Variants in CNTN4 observed in about 807,000 individuals in gnomAD.
The protein encoded by CNTN4 is contactin 4, also known as contactin-4.
Under a neutral mutation model 122.5 loss-of-function variants are expected in CNTN4, and 77 were observed. The observed-to-expected ratio is 0.63, with a 90% confidence interval of 0.52 to 0.76. The LOEUF (loss-of-function observed/expected upper bound fraction) is 0.76. Ranked by LOEUF, CNTN4 falls within the 30% of genes least tolerant of loss-of-function variation. The probability of loss-of-function intolerance (pLI) is 0.00; values close to 1 mark genes in which losing one functional copy is unlikely to be tolerated. For missense variants in CNTN4, 1,256 were observed against 1,259.1 expected, an observed-to-expected ratio of 1.00 and a Z score of 0.04; for synonymous variants, 512 against 447.0, an observed-to-expected ratio of 1.15 and a Z score of -1.83.
At chr3:2,942,263 G>A (rs1036007821) in intron 13 of CNTN4, among the ~76,000 whole-genome samples, 1 of 152,118 alleles carries the variant, frequency 6.6e-6, no homozygotes, top group Admixed American at 6.5e-5. Context: ...GTAATTTAGG[G>A]AGTTGGAATA....
chr3:2,350,547 C>T (rs1351193954), intron 3 of CNTN4, among the ~76,000 whole-genome samples: 1 of 146,588 alleles, frequency 6.8e-6, no homozygotes, highest in Non-Finnish European at 1.5e-5. Context: ...AAGATAAATA[C>T]ATAATTAGTA....
chr3:2,738,293 CT>C (rs1463192900), intron 5 of CNTN4, among the ~76,000 whole-genome samples: 1 of 152,134 alleles, frequency 6.6e-6, no homozygotes, highest in South Asian at 2.1e-4. Flanking sequence ...AAACTGGCAG[CT>C]GACTTCTCAA....
chr3:2,447,018 CAT>C lies in CNTN4; in HGVS notation c.-89+107786_-89+107787del, dbSNP rs527857927. 7.2e-4 allele frequency among the ~76,000 whole-genome samples: 110 copies of C among 152,260 alleles called. 1 individual carries two copies. Among genetic ancestry groups the C allele is most frequent in the Admixed American group, 2.7e-3 (42 of 15,290 alleles). On this transcript the variant is annotated intron_variant, in intron 3 of 24. Transcript: ENST00000418658. Reference sequence around the variant, plus strand: ...GCAAAGTTGCTTATGCAACAAAAGACATGTCATATTTTATCTTTCAATTTAAG... The same window carrying C: ...GCAAAGTTGCTTATGCAACAAAAGACGTCATATTTTATCTTTCAATTTAAG...
At chr3:2,831,541 G>T (rs1347516290) in intron 7 of CNTN4, among the ~76,000 whole-genome samples, 1 of 152,212 alleles carries the variant, frequency 6.6e-6, no homozygotes, top group African/African-American at 2.4e-5. Flanking sequence ...CAGCCACTTT[G>T]TACCGAGCCA....
intron 2 of CNTN4, among the ~76,000 whole-genome samples, chr3:2,128,369 A>G (rs990658027): frequency 6.6e-6 from 1 of 152,194 alleles, no homozygotes; most frequent in African/African-American, 2.4e-5. Flanking sequence ...AATATTTTAA[A>G]TTTAACATTT....
intron 2 of CNTN4, among the ~76,000 whole-genome samples, chr3:2,132,771 C>T (rs1281474327): frequency 6.6e-6 from 1 of 152,128 alleles, no homozygotes; most frequent in East Asian, 1.9e-4. Flanking sequence ...CATAAAGTCT[C>T]TTATTTAAAA....
rs747122123 is a variant in CNTN4, at chr3:2,404,321, T to G, written c.-89+65088T>G. Among the ~76,000 whole-genome samples, 31 of 152,226 alleles carry G rather than the reference T, an allele frequency of 2.0e-4. No homozygotes were observed. The Middle Eastern group carries it at 0.01, about 50-fold the overall frequency. On this transcript the variant is annotated intron_variant, in intron 3 of 24. Coordinates refer to ENST00000418658, the MANE Select transcript of CNTN4 (RefSeq NM_175607.3). ...CCTTCCTGGAGCTGGAGGAGAAAAT[T>G]TGTTTTCAGTCTCATTCAAGCTGTT...
intron 6 of CNTN4, among the ~76,000 whole-genome samples, chr3:2,773,134 G>A (rs576019901): frequency 2.0e-5 from 3 of 151,992 alleles, no homozygotes; most frequent in Non-Finnish European, 2.9e-5. Context: ...TGGTGGGGGG[G>A]GTTGCAGAGT....
chr3:2,807,252 C>T (rs927233242), intron 6 of CNTN4, among the ~76,000 whole-genome samples: 3 of 152,212 alleles, frequency 2.0e-5, no homozygotes, highest in Non-Finnish European at 1.5e-5. Flanking sequence ...GCAGCCTTAT[C>T]TCTGATTCTT....
chr3:2,395,045 C>A (rs1183990270), intron 3 of CNTN4, among the ~76,000 whole-genome samples: 1 of 152,042 alleles, frequency 6.6e-6, no homozygotes, highest in African/African-American at 2.4e-5. Context: ...CCTTGGCCTC[C>A]CAAAGTGCTG....
intron 6 of CNTN4, among the ~76,000 whole-genome samples, chr3:2,797,102 G>T (rs1007958979): frequency 2.0e-5 from 3 of 152,212 alleles, no homozygotes; most frequent in South Asian, 2.1e-4. Context: ...CTGGGCTGAA[G>T]TGATCCTCCT....
intron 7 of CNTN4, among the ~76,000 whole-genome samples, chr3:2,835,338 A>G (rs1202691796): frequency 6.6e-6 from 1 of 152,220 alleles, no homozygotes; most frequent in Non-Finnish European, 1.5e-5. Flanking sequence ...AGAAATTACT[A>G]ATGCATATTT....
At chr3:2,963,015 C>T (rs1484581786) in intron 13 of CNTN4, among the ~76,000 whole-genome samples, 1 of 152,024 alleles carries the variant, frequency 6.6e-6, no homozygotes, top group African/African-American at 2.4e-5. Flanking sequence ...TGGGGTTATC[C>T]CCTCCCGCAT....
intron 2 of CNTN4, among the ~76,000 whole-genome samples, chr3:2,311,534 T>G (rs926964560): frequency 5.9e-5 from 9 of 152,106 alleles, no homozygotes; most frequent in Non-Finnish European, 1.3e-4. Context: ...AAAAGTAGTA[T>G]AAAGCGTGTT....
At chr3:2,205,660 G>C (rs1198005810) in intron 2 of CNTN4, among the ~76,000 whole-genome samples, 1 of 152,010 alleles carries the variant, frequency 6.6e-6, no homozygotes, top group African/African-American at 2.4e-5. Flanking sequence ...AATGACAAGG[G>C]TGCTCATGCA....
At chr3:2,156,377 A>C (rs187013322) in intron 2 of CNTN4, among the ~76,000 whole-genome samples, 3 of 152,278 alleles carry the variant, frequency 2.0e-5, no homozygotes, top group East Asian at 1.9e-4. Flanking sequence ...ACCTGTATAC[A>C]GCAGAGTTCA....
chr3:2,759,280 T>G (rs1158844939), intron 6 of CNTN4, among the ~76,000 whole-genome samples: 3 of 152,058 alleles, frequency 2.0e-5, no homozygotes, highest in Admixed American at 1.3e-4. Context: ...CTCAGCCTCC[T>G]GAGTAGCTGG....
intron 2 of CNTN4, among the ~76,000 whole-genome samples, chr3:2,166,217 C>T (rs917145784): frequency 1.3e-5 from 2 of 152,046 alleles, no homozygotes; most frequent in Non-Finnish European, 2.9e-5. Context: ...TCACCACATC[C>T]TTGCTCAACA....
At chr3:2,374,273 A>G (rs2045739252) in intron 3 of CNTN4, among the ~76,000 whole-genome samples, 2 of 152,194 alleles carry the variant, frequency 1.3e-5, no homozygotes, top group African/African-American at 4.8e-5. Flanking sequence ...AGTTTTGGAT[A>G]CTACAGGTTG....
Sources: gnomAD v4.1 joint callset for allele counts (sites outside exome capture counted in the v4.1 genomes callset) on GRCh38, gnomAD v4.1.1 for gene constraint, MANE v1.5 for transcripts, NCBI Gene and HGNC (gene_info 2026-07-23, HGNC 2026-07-21) for gene names.